Variants in FRMD4B observed in about 807,000 individuals in gnomAD.
FRMD4B encodes the protein FERM domain containing 4B.
Under a neutral mutation model 141.5 loss-of-function variants are expected in FRMD4B, and 74 were observed. The ratio of observed to expected loss-of-function variants is 0.52; its 90% CI spans 0.43 to 0.63. FRMD4B has a LOEUF of 0.63. Ranked by LOEUF, FRMD4B falls within the 30% of genes least tolerant of loss-of-function variation. FRMD4B has a pLI of 0.00. For synonymous variants in FRMD4B, 506 were observed against 467.9 expected (o/e 1.08, Z -1.05); for missense variants, 1,366 against 1,253.4 (o/e 1.09, Z -1.36).
At chr3:69,203,906 G>A (rs2092996913) in intron 11 of FRMD4B, among the ~76,000 whole-genome samples, 1 of 152,168 alleles carries the variant, frequency 6.6e-6, no homozygotes, top group South Asian at 2.1e-4. Context: ...TCTTTCCATT[G>A]TTGAGAAACA....
chr3:69,215,996 G>T (rs2093136304), intron 11 of FRMD4B, among the ~76,000 whole-genome samples: 1 of 152,000 alleles, frequency 6.6e-6, no homozygotes, highest in African/African-American at 2.4e-5. Flanking sequence ...TCTACTAAAA[G>T]TACAAAAATT....
chr3:69,385,374 G>A (rs558756497), intron 1 of FRMD4B, among the ~76,000 whole-genome samples: 1 of 152,214 alleles, frequency 6.6e-6, no homozygotes, highest in South Asian at 2.1e-4. Context: ...CTGCCTGATG[G>A]AAAACTGAAA....
At chr3:69,376,724 G>C (rs187477181) in intron 1 of FRMD4B, 24 of 152,148 alleles carry the variant, frequency 1.6e-4, no homozygotes, top group African/African-American at 5.8e-4. Context: ...TTACATATGG[G>C]TGTTAATTTT....
chr3:69,288,082 G>A (rs1303080572), intron 4 of FRMD4B, among the ~76,000 whole-genome samples: 2 of 152,160 alleles, frequency 1.3e-5, no homozygotes, highest in African/African-American at 4.8e-5. Flanking sequence ...AACCCCAAAT[G>A]GTATTCAACC....
intron 1 of FRMD4B, among the ~76,000 whole-genome samples, chr3:69,539,973 GT>G (rs1350468844): frequency 6.6e-6 from 1 of 151,068 alleles, no homozygotes; most frequent in African/African-American, 2.4e-5. Flanking sequence ...GTGGTGGATG[GT>G]TTGAAGTCAG....
intron 1 of FRMD4B, among the ~76,000 whole-genome samples, chr3:69,331,219 T>C (rs1215240625): frequency 6.6e-6 from 1 of 152,198 alleles, no homozygotes; most frequent in East Asian, 1.9e-4. Context: ...AAGAGTGGCC[T>C]GGACAGGGGA....
At chr3:69,282,207 T>C (rs577810741) in intron 5 of FRMD4B, among the ~76,000 whole-genome samples, 96 of 152,356 alleles carry the variant, frequency 6.3e-4, no homozygotes, top group Non-Finnish European at 1.1e-3. Flanking sequence ...TCTCTTTTCT[T>C]GCCTGTGTAT....
chr3:69,188,090 A>G (rs1182757111), intron 18 of FRMD4B, among the ~76,000 whole-genome samples, 173 bp from the exon 19 acceptor site: 1 of 152,206 alleles, frequency 6.6e-6, no homozygotes, highest in Non-Finnish European at 1.5e-5. Flanking sequence ...TTTATATTTT[A>G]TACACCAGAA....
Position 69,171,763 on chromosome 3 carries a change from T to A in FRMD4B, c.*98A>T. On this transcript the variant is annotated 3_prime_UTR_variant, in exon 23 of 23. Coordinates refer to ENST00000398540, the MANE Select transcript of FRMD4B (RefSeq NM_015123.3). ...TCTTCTCTTCAACCTTTGATGTCTT[T>A]AGGTTTCTAAAACGAACATCCTCTC... The A allele has an allele frequency of 8.3e-7, 1 of 1,200,104 alleles. No homozygotes were observed. The highest frequency in any genetic ancestry group is 1.3e-5 in the South Asian group (1 of 75,000). 74.3% of individuals were successfully genotyped at this position (1,200,104 alleles called of 1,614,324 possible).
chr3:69,360,426 C>A (rs1481535900), intron 1 of FRMD4B, among the ~76,000 whole-genome samples: 1 of 152,178 alleles, frequency 6.6e-6, no homozygotes, highest in African/African-American at 2.4e-5. Context: ...ATCATCAGAT[C>A]TCTAGTCTTC....
chr3:69,497,547 C>T (rs1016419048), intron 1 of FRMD4B, among the ~76,000 whole-genome samples: 8 of 152,030 alleles, frequency 5.3e-5, no homozygotes, highest in South Asian at 2.1e-4. Context: ...CCTGAACTTA[C>T]GAGTCTCAAT....
chr3:69,230,992 G>C (rs1366240527), intron 7 of FRMD4B, among the ~76,000 whole-genome samples: 1 of 152,136 alleles, frequency 6.6e-6, no homozygotes, highest in Non-Finnish European at 1.5e-5. Context: ...AATGAAACTA[G>C]AAACAATCAC....
intron 1 of FRMD4B, among the ~76,000 whole-genome samples, chr3:69,332,607 C>T (rs974240812): frequency 3.3e-5 from 5 of 152,058 alleles, no homozygotes; most frequent in Admixed American, 2.6e-4. Context: ...GACAGGGTCT[C>T]ACTCCATTGC....
chr3:69,295,198 A>G (rs1390036070), intron 4 of FRMD4B, among the ~76,000 whole-genome samples: 3 of 152,218 alleles, frequency 2.0e-5, no homozygotes, highest in South Asian at 2.1e-4. Context: ...GCCAGAAGCT[A>G]CATAGTGAGT....
chr3:69,475,166 A>C (rs1299850135), intron 1 of FRMD4B, among the ~76,000 whole-genome samples: 8 of 151,986 alleles, frequency 5.3e-5, no homozygotes, highest in African/African-American at 1.9e-4. Flanking sequence ...TCATAAGCTA[A>C]TTTCCTGACC....
intron 17 of FRMD4B, among the ~76,000 whole-genome samples, chr3:69,192,823 CTTTT>C (rs879598264): frequency 9.9e-4 from 143 of 144,778 alleles, no homozygotes; most frequent in Admixed American, 1.7e-3. Context: ...ATTTTGTTCA[CTTTT>C]TTTTTTTTGA....
intron 2 of FRMD4B, among the ~76,000 whole-genome samples, chr3:69,407,591 C>T (rs1472904584): frequency 3.3e-5 from 5 of 152,186 alleles, no homozygotes; most frequent in Admixed American, 1.3e-4. Flanking sequence ...ACTTATTACA[C>T]AGGATTTTTG....
At chr3:69,239,138 C>T (rs1559743554) in intron 7 of FRMD4B, among the ~76,000 whole-genome samples, 1 of 152,142 alleles carries the variant, frequency 6.6e-6, no homozygotes, top group African/African-American at 2.4e-5. Context: ...CTTGGTTTGA[C>T]AGAGTCTATT....
intron 11 of FRMD4B, among the ~76,000 whole-genome samples, chr3:69,215,629 C>G (rs2093133154): frequency 6.6e-6 from 1 of 151,838 alleles, no homozygotes; most frequent in Non-Finnish European, 1.5e-5. Context: ...TGATTTTTCT[C>G]TACAAAAAGC....
Sources: gnomAD v4.1 joint callset for allele counts (sites outside exome capture counted in the v4.1 genomes callset) on GRCh38, gnomAD v4.1.1 for gene constraint, MANE v1.5 for transcripts, NCBI Gene and HGNC (gene_info 2026-07-23, HGNC 2026-07-21) for gene names.